Variants in MAL observed in about 807,000 individuals in gnomAD.
MAL encodes myelin and lymphocyte protein.
MAL carries 5 observed loss-of-function variants against 16.7 expected under a neutral mutation model. The observed-to-expected ratio is 0.30, with a 90% CI of 0.16 to 0.63. MAL has a LOEUF of 0.63. MAL is among the 30% of genes least tolerant of loss of function. MAL has a pLI of 0.82. For synonymous variants in MAL, 96 were observed against 85.5 expected (o/e 1.12, Z -0.67); for missense variants, 202 against 195.8 (o/e 1.03, Z -0.19).
rs979176788 is a variant in MAL at position 95,053,570 on chromosome 2, C to A, written c.*115C>A. ...TTGATGGTGGAAAAAAGAAAACAACCACCCCCCCACTGCCCAAAAAAAAAA... is the reference window on the plus strand; with the variant it reads ...TTGATGGTGGAAAAAAGAAAACAACAACCCCCCCACTGCCCAAAAAAAAAA... On this transcript the variant is annotated 3_prime_UTR_variant, in exon 4 of 4. Transcript: ENST00000309988. 3.8e-6 allele frequency: 3 copies of A among 785,764 alleles called. No individual in the cohort carries two copies. The African/African-American group carries it at 5.2e-5, about 14-fold the overall frequency. The allele number at this position is 785,764 out of a possible 1,614,324, so 48.7% of individuals were successfully genotyped here. A position where few individuals can be genotyped will look rare whatever the true frequency, so the allele number is the denominator to read the frequency against.
intron 1 of MAL, among the ~76,000 whole-genome samples, chr2:95,026,953 G>A (rs1337968319): frequency 6.6e-6 from 1 of 152,156 alleles, no homozygotes; most frequent in East Asian, 1.9e-4. Flanking sequence ...CATCCAAAGA[G>A]GGCTTGCGGG....
At chr2:95,026,065 C>T (rs1423017348) in intron 1 of MAL, among the ~76,000 whole-genome samples, 180 bp downstream of exon 1, 1 of 152,174 alleles carries the variant, frequency 6.6e-6, no homozygotes, top group East Asian at 1.9e-4. Context: ...CCTTTGTGCC[C>T]TTCTAGACCA....
chr2:95,039,100 GTGAGTAAGTGTCTGAGTGAC>G (rs1674359884), intron 1 of MAL, among the ~76,000 whole-genome samples: 1 of 149,580 alleles, frequency 6.7e-6, no homozygotes, highest in Non-Finnish European at 1.5e-5. Context: ...GAGTGAGTGA[GTGAGTAAGTGTCTGAGTGAC>G]TGAGTGAGTG....
intron 2 of MAL, among the ~76,000 whole-genome samples, chr2:95,049,109 C>T (rs540370495): frequency 6.6e-6 from 1 of 152,302 alleles, no homozygotes. Context: ...TGAGCCACCA[C>T]GCCCAGCCCT....
Position 95,053,737 on chromosome 2 carries a change from T to C in MAL, c.*282T>C. 2.4e-6 allele frequency: 1 copy of C among 419,612 alleles called. No individual in the cohort carries two copies. The highest frequency in any genetic ancestry group is 4.0e-5 in the South Asian group (1 of 25,274). The allele number at this position is 419,612 out of a possible 1,614,324, so 26.0% of individuals were successfully genotyped here. On this transcript the variant is annotated 3_prime_UTR_variant, in exon 4 of 4. Coordinates refer to ENST00000309988, the MANE Select transcript of MAL (RefSeq NM_002371.4). The stretch of plus-strand genomic sequence containing the variant: ...TGTTTGTGAAAGGGGACCTTCTTGT[T>C]CGGGGGTGGGAAGTGGCGACCGTGA...
intron 1 of MAL, among the ~76,000 whole-genome samples, chr2:95,031,501 G>A (rs1214503996): frequency 6.6e-6 from 1 of 152,206 alleles, no homozygotes; most frequent in Non-Finnish European, 1.5e-5. Context: ...ACATCTCGAG[G>A]CCAGGCCACC....
intron 1 of MAL, among the ~76,000 whole-genome samples, chr2:95,038,774 G>A (rs1214800226): frequency 1.3e-5 from 2 of 151,696 alleles, no homozygotes; most frequent in African/African-American, 4.8e-5. Flanking sequence ...GTGACTGAGT[G>A]AGTGAGCAAG....
At chr2:95,027,557 G>C (rs1017937117) in intron 1 of MAL, among the ~76,000 whole-genome samples, 1 of 152,218 alleles carries the variant, frequency 6.6e-6, no homozygotes, top group Non-Finnish European at 1.5e-5. Context: ...GCTCGCAGGT[G>C]CCTGGGAGAG....
In MAL at chr2:95,053,780, G is replaced by A. The variant is rs1674774857; in HGVS notation, c.*325G>A. The A allele has an allele frequency of 3.1e-6, 1 of 322,420 alleles. No homozygotes were observed. Among genetic ancestry groups the A allele is most frequent in the Admixed American group, 4.2e-5 (1 of 23,768 alleles). 20.0% of individuals were successfully genotyped at this position (322,420 alleles called of 1,614,324 possible). On this transcript the variant is annotated 3_prime_UTR_variant, in exon 4 of 4. Coordinates refer to ENST00000309988, the MANE Select transcript of MAL (RefSeq NM_002371.4). ...GACCGTGACCTGAGAAGGAAAGAAA[G>A]ATCCTCTGCTGACCCCTGGAGCAGC... is the stretch of plus-strand genomic sequence containing the variant.
intron 1 of MAL, among the ~76,000 whole-genome samples, chr2:95,045,117 G>A (rs907211947): frequency 2.0e-5 from 3 of 152,122 alleles, no homozygotes; most frequent in African/African-American, 4.8e-5. Flanking sequence ...GCCTATCCAC[G>A]CTATTAGAGA....
chr2:95,034,240 G>C (rs1156372038), intron 1 of MAL, among the ~76,000 whole-genome samples: 2 of 152,164 alleles, frequency 1.3e-5, no homozygotes. Flanking sequence ...CCTTCCCAGT[G>C]GCTCTCCTCT....
At chr2:95,028,107 G>C (rs1006696097) in intron 1 of MAL, among the ~76,000 whole-genome samples, 1 of 132,556 alleles carries the variant, frequency 7.5e-6, no homozygotes, top group Admixed American at 9.1e-5. Context: ...AGGAGTTCGA[G>C]ACCAGACTGA....
At chr2:95,041,529 G>C (rs1456874052) in intron 1 of MAL, among the ~76,000 whole-genome samples, 1 of 152,182 alleles carries the variant, frequency 6.6e-6, no homozygotes, top group Non-Finnish European at 1.5e-5. Context: ...CAAGCGCTTA[G>C]TGGCAGCCGG....
intron 1 of MAL, among the ~76,000 whole-genome samples, chr2:95,027,055 G>C (rs1365877621): frequency 3.9e-5 from 6 of 152,138 alleles, no homozygotes; most frequent in African/African-American, 1.4e-4. Context: ...GGTGGAACCG[G>C]TGACTTGAAA....
At chr2:95,026,548 C>T (rs1673944257) in intron 1 of MAL, 1 of 151,874 alleles carries the variant, frequency 6.6e-6, no homozygotes. Context: ...GATCCGCGCG[C>T]CTCGACTGAC....
intron 1 of MAL, among the ~76,000 whole-genome samples, chr2:95,036,240 A>G (rs1674201847): frequency 1.3e-5 from 2 of 152,176 alleles, no homozygotes; most frequent in Non-Finnish European, 2.9e-5. Flanking sequence ...TCAGACTCCC[A>G]ATAATCTGCC....
chr2:95,030,899 T>C (rs1261873614), intron 1 of MAL, among the ~76,000 whole-genome samples: 2 of 152,202 alleles, frequency 1.3e-5, no homozygotes, highest in Non-Finnish European at 2.9e-5. Context: ...TGGACTGTTA[T>C]TAAGAGTGAC....
intron 1 of MAL, among the ~76,000 whole-genome samples, chr2:95,028,988 CA>C (rs1180171333): frequency 1.3e-5 from 2 of 152,108 alleles, no homozygotes; most frequent in Non-Finnish European, 2.9e-5. Context: ...TGCACAACAC[CA>C]TGAATGTACT....
intron 3 of MAL, among the ~76,000 whole-genome samples, chr2:95,052,652 G>T (rs1674745326): frequency 6.6e-6 from 1 of 152,152 alleles, no homozygotes; most frequent in Admixed American, 6.5e-5. Context: ...TTGGCAGCAG[G>T]CAGGCCTTCA....
Sources: gnomAD v4.1 joint callset for allele counts (sites outside exome capture counted in the v4.1 genomes callset) on GRCh38, gnomAD v4.1.1 for gene constraint, MANE v1.5 for transcripts, NCBI Gene and HGNC (gene_info 2026-07-23, HGNC 2026-07-21) for gene names.